NELL1: variants seen among roughly 807,000 people sequenced by gnomAD.
NELL1 encodes the protein protein kinase C-binding protein NELL1.
In NELL1, 76 loss-of-function variants were observed where a neutral mutation model predicts 107.4. The ratio of observed to expected loss-of-function variants is 0.71; its 90% CI spans 0.59 to 0.86. The LOEUF (loss-of-function observed/expected upper bound fraction) is 0.86. NELL1 is among the 40% of genes least tolerant of loss of function. The probability of loss-of-function intolerance (pLI) is 0.00; values close to 1 mark genes in which losing one functional copy is unlikely to be tolerated. For missense variants in NELL1, 1,024 were observed against 1,005.5 expected, an observed-to-expected ratio of 1.02 and a Z score of -0.25; for synonymous variants, 353 against 341.2, an observed-to-expected ratio of 1.03 and a Z score of -0.38.
intron 15 of NELL1, among the ~76,000 whole-genome samples, chr11:21,381,763 T>C (rs560224381): frequency 3.9e-5 from 6 of 152,036 alleles, no homozygotes; most frequent in Admixed American, 3.9e-4. Flanking sequence ...ATTCTCTCTG[T>C]TCCCACAAAC....
intron 2 of NELL1, among the ~76,000 whole-genome samples, chr11:20,753,845 A>C (rs1856199285): frequency 6.6e-6 from 1 of 152,128 alleles, no homozygotes; most frequent in African/African-American, 2.4e-5. Flanking sequence ...TCCCAGGCTT[A>C]TATCATATTT....
chr11:21,535,593 TA>T (rs1856116958), intron 16 of NELL1, among the ~76,000 whole-genome samples: 1 of 152,204 alleles, frequency 6.6e-6, no homozygotes, highest in East Asian at 1.9e-4. Flanking sequence ...GTATAGTTAC[TA>T]AAAGTATGGA....
chr11:20,821,508 C>A (rs1187300619), intron 3 of NELL1, among the ~76,000 whole-genome samples: 1 of 152,146 alleles, frequency 6.6e-6, no homozygotes, highest in Non-Finnish European at 1.5e-5. Flanking sequence ...CACATGCTGG[C>A]AGAGGGATTG....
At chr11:20,895,760 C>T (rs1849723388) in intron 5 of NELL1, among the ~76,000 whole-genome samples, 1 of 152,042 alleles carries the variant, frequency 6.6e-6, no homozygotes, top group Non-Finnish European at 1.5e-5. Flanking sequence ...CCCACCTCGG[C>T]CTCCCAAAGT....
Position 20,704,616 on chromosome 11 carries a change from T to A in NELL1, c.184+26556T>A, listed in dbSNP as rs140606383. 1.8e-3 allele frequency among the ~76,000 whole-genome samples: 278 copies of A among 152,334 alleles called. 1 individual carries two copies. Among genetic ancestry groups the A allele is most frequent in the South Asian group, 9.7e-3 (47 of 4,830 alleles). On this transcript the variant is annotated intron_variant, in intron 2 of 19. Coordinates refer to ENST00000357134, the MANE Select transcript of NELL1 (RefSeq NM_006157.5). ...TCCTAGCCTTGATGGTCTTTAGAGT[T>A]TGGCATGTTTTTGCAGTGGCTGGTA...
Position 21,172,460 on chromosome 11 carries a change from G to A in NELL1, c.1427-56872G>A, listed in dbSNP as rs535418264. Among the ~76,000 whole-genome samples the A allele has an allele frequency of 7.8e-4, 119 of 151,884 alleles. 1 individual carries two copies. Among genetic ancestry groups the A allele is most frequent in the African/African-American group, 2.6e-3 (106 of 41,204 alleles). On this transcript the variant is annotated intron_variant, in intron 13 of 19. Transcript: ENST00000357134. ...TCCGTTGATAGCATGCTCCTTCTCC[G>A]TGATCATGCAGTTGATCCCAGCTTT...
intron 14 of NELL1, among the ~76,000 whole-genome samples, chr11:21,263,957 A>G (rs888845747): frequency 1.3e-5 from 2 of 151,974 alleles, no homozygotes; most frequent in African/African-American, 4.8e-5. Flanking sequence ...GAAGGAGCAG[A>G]TGAAATTATG....
intron 5 of NELL1, among the ~76,000 whole-genome samples, chr11:20,910,787 A>G (rs1256585057): frequency 1.3e-5 from 2 of 152,210 alleles, no homozygotes; most frequent in Non-Finnish European, 2.9e-5. Context: ...CTGGCAGACA[A>G]TATACTGTTA....
At chr11:20,884,273 T>C (rs1483651372) in intron 4 of NELL1, among the ~76,000 whole-genome samples, 3 of 152,204 alleles carry the variant, frequency 2.0e-5, no homozygotes, top group Admixed American at 6.5e-5. Context: ...TTCTGCACTT[T>C]CCTTGTGAGA....
chr11:21,340,319 A>AT (rs1034317038), intron 14 of NELL1, among the ~76,000 whole-genome samples: 2 of 151,800 alleles, frequency 1.3e-5, no homozygotes, highest in South Asian at 2.1e-4. Context: ...TACCTGGCTA[A>AT]TTTTTTGTAT....
intron 11 of NELL1, among the ~76,000 whole-genome samples, chr11:20,958,133 C>T (rs907378811): frequency 1.3e-5 from 2 of 152,014 alleles, no homozygotes; most frequent in African/African-American, 2.4e-5. Context: ...CAAACCCCAA[C>T]AAGGCTGGGT....
At chr11:20,760,287 G>A (rs576025089) in intron 2 of NELL1, among the ~76,000 whole-genome samples, 11 of 152,308 alleles carry the variant, frequency 7.2e-5, no homozygotes, top group Admixed American at 2.0e-4. Flanking sequence ...GTATGTAGCC[G>A]TAATGTTGTT....
chr11:21,251,440 A>G (rs1858635865), intron 14 of NELL1, among the ~76,000 whole-genome samples: 1 of 152,122 alleles, frequency 6.6e-6, no homozygotes, highest in South Asian at 2.1e-4. Context: ...CCATAATCTT[A>G]TACATTATTA....
At chr11:20,704,482 T>C (rs747725342) in intron 2 of NELL1, among the ~76,000 whole-genome samples, 14 of 152,242 alleles carry the variant, frequency 9.2e-5, no homozygotes, top group Non-Finnish European at 1.6e-4. Context: ...TGTCTTTTAA[T>C]TGGAGCATTT....
At chr11:21,471,700 G>A (rs550331856) in intron 15 of NELL1, among the ~76,000 whole-genome samples, 156 of 152,078 alleles carry the variant, frequency 1.0e-3, no homozygotes, top group South Asian at 7.3e-3. Context: ...GGAGAGTTTA[G>A]GACTTGTCCA....
At chr11:20,841,568 G>T (rs1417922977) in intron 3 of NELL1, among the ~76,000 whole-genome samples, 1 of 152,124 alleles carries the variant, frequency 6.6e-6, no homozygotes, top group African/African-American at 2.4e-5. Context: ...ATTAGCATAA[G>T]AATTCTAGGA....
chr11:21,540,499 A>T (rs1856264565), intron 16 of NELL1, among the ~76,000 whole-genome samples: 1 of 152,078 alleles, frequency 6.6e-6, no homozygotes, highest in Non-Finnish European at 1.5e-5. Flanking sequence ...GAACTTCCTG[A>T]GACTGGGTAA....
At chr11:21,232,602 A>G (rs1365541086) in intron 14 of NELL1, among the ~76,000 whole-genome samples, 1 of 152,196 alleles carries the variant, frequency 6.6e-6, no homozygotes, top group East Asian at 1.9e-4. Context: ...AAACATTTAC[A>G]GTGGGAGTTG....
At chr11:21,110,299 G>A (rs1282724041) in intron 12 of NELL1, among the ~76,000 whole-genome samples, 1 of 152,130 alleles carries the variant, frequency 6.6e-6, no homozygotes, top group East Asian at 1.9e-4. Context: ...GAGCATCAGG[G>A]ACGTGTGGGC....
Sources: gnomAD v4.1 joint callset for allele counts (sites outside exome capture counted in the v4.1 genomes callset) on GRCh38, gnomAD v4.1.1 for gene constraint, MANE v1.5 for transcripts, NCBI Gene and HGNC (gene_info 2026-07-23, HGNC 2026-07-21) for gene names.